Variants in VIT observed in about 807,000 individuals in gnomAD.
The protein encoded by VIT is vitrin.
Under a neutral mutation model 78.0 loss-of-function variants are expected in VIT, and 99 were observed. The observed-to-expected ratio is 1.27, with a 90% CI of 1.08 to 1.50. The LOEUF (loss-of-function observed/expected upper bound fraction) is 1.50. Among genes scored for constraint, VIT ranks in the 40% most tolerant of loss-of-function variants. The pLI is 0.00. For synonymous variants in VIT, 374 were observed against 334.3 expected (o/e 1.12, Z -1.29); for missense variants, 1,126 against 875.3 (o/e 1.29, Z -3.61).
chr2:36,740,382 A>C (rs1414584084), intron 3 of VIT, among the ~76,000 whole-genome samples: 1 of 152,228 alleles, frequency 6.6e-6, no homozygotes, highest in African/African-American at 2.4e-5. Context: ...CATATACTTA[A>C]AGAAGAGCTG....
chr2:36,809,633 G>A (rs945707962), intron 15 of VIT, among the ~76,000 whole-genome samples: 3 of 152,150 alleles, frequency 2.0e-5, no homozygotes, highest in African/African-American at 7.2e-5. Context: ...GGTCACGATG[G>A]TCTCGAACTC....
chr2:36,725,506 GC>G (rs1324617175), intron 2 of VIT, among the ~76,000 whole-genome samples: 4 of 146,460 alleles, frequency 2.7e-5, no homozygotes, highest in African/African-American at 1.0e-4. Flanking sequence ...CATCATGAGG[GC>G]TCACTGTCAA....
At chr2:36,755,662 C>T (rs1045838698) in intron 5 of VIT, among the ~76,000 whole-genome samples, 16 of 152,074 alleles carry the variant, frequency 1.1e-4, no homozygotes, top group Non-Finnish European at 2.2e-4. Context: ...CATCCATTGC[C>T]GATCCTCACT....
intron 3 of VIT, among the ~76,000 whole-genome samples, chr2:36,741,778 G>A (rs1212980889): frequency 6.6e-6 from 1 of 152,068 alleles, no homozygotes; most frequent in Non-Finnish European, 1.5e-5. Context: ...GTCTCCACTT[G>A]CATACTTCTA....
intron 4 of VIT, among the ~76,000 whole-genome samples, chr2:36,743,858 C>T (rs1667980314): frequency 6.6e-6 from 1 of 151,944 alleles, no homozygotes; most frequent in Admixed American, 6.6e-5. Flanking sequence ...AGGTTTGTTA[C>T]AAAGGCATAT....
chr2:36,729,103 A>G (rs1458708494), intron 2 of VIT, among the ~76,000 whole-genome samples: 4 of 152,218 alleles, frequency 2.6e-5, no homozygotes, highest in African/African-American at 9.6e-5. Context: ...GTTGTTAACA[A>G]TTGTTTACAG....
chr2:36,699,516 T>TTATA (rs1553357624), intron 1 of VIT, among the ~76,000 whole-genome samples: 5,447 of 148,936 alleles, frequency 0.037, 170 homozygotes, highest in African/African-American at 0.079. Flanking sequence ...TTAGAGGGGG[T>TTATA]TATATATATA....
At chr2:36,737,354 C>CT (rs970744346) in intron 3 of VIT, among the ~76,000 whole-genome samples, 15 of 152,034 alleles carry the variant, frequency 9.9e-5, no homozygotes, top group Non-Finnish European at 1.8e-4. Flanking sequence ...ATCTGAGAAG[C>CT]TTTTTTTCTT....
intron 1 of VIT, among the ~76,000 whole-genome samples, chr2:36,698,893 G>C (rs1439266357): frequency 4.0e-5 from 6 of 151,770 alleles, no homozygotes; most frequent in Non-Finnish European, 8.8e-5. Flanking sequence ...GCAGTGAGCT[G>C]AGATCACGCC....
chr2:36,754,704 A>AAG (rs1668658682), intron 4 of VIT, among the ~76,000 whole-genome samples: 1 of 152,202 alleles, frequency 6.6e-6, no homozygotes, highest in South Asian at 2.1e-4. Context: ...CAGCTCCTAT[A>AAG]AGAAGAAAGA....
chr2:36,800,504 T>TGGAG (rs1666244740), intron 12 of VIT, among the ~76,000 whole-genome samples: 1 of 152,162 alleles, frequency 6.6e-6, no homozygotes, highest in African/African-American at 2.4e-5. Context: ...TTCTGGAGCA[T>TGGAG]GGAGCCCTGT....
intron 11 of VIT, among the ~76,000 whole-genome samples, chr2:36,785,560 G>T (rs1665037840): frequency 6.6e-6 from 1 of 152,118 alleles, no homozygotes; most frequent in African/African-American, 2.4e-5. Flanking sequence ...TTCATCTCAA[G>T]ATCATGCTTG....
chr2:36,810,147 C>T (rs1667050145), intron 15 of VIT, among the ~76,000 whole-genome samples: 2 of 152,084 alleles, frequency 1.3e-5, no homozygotes, highest in African/African-American at 4.8e-5. Flanking sequence ...CAAAATTGGC[C>T]AGGCAAGGAG....
intron 3 of VIT, among the ~76,000 whole-genome samples, chr2:36,741,312 C>G (rs935611245): frequency 2.0e-5 from 3 of 152,106 alleles, no homozygotes; most frequent in African/African-American, 7.2e-5. Context: ...AAGAAAATAG[C>G]CGGCGAGGAG....
At chr2:36,745,403 A>T (rs1167621472) in intron 4 of VIT, among the ~76,000 whole-genome samples, 1 of 152,174 alleles carries the variant, frequency 6.6e-6, no homozygotes, top group Non-Finnish European at 1.5e-5. Context: ...TGCTTTGGGC[A>T]GTATGGTCAT....
chr2:36,721,712 C>T (rs1666523314), intron 2 of VIT, among the ~76,000 whole-genome samples: 1 of 151,472 alleles, frequency 6.6e-6, no homozygotes, highest in African/African-American at 2.4e-5. Context: ...CTTCTGATTT[C>T]CCTGGGGAAT....
intron 2 of VIT, among the ~76,000 whole-genome samples, chr2:36,727,939 T>C (rs1666953580): frequency 2.0e-5 from 3 of 152,138 alleles, no homozygotes; most frequent in African/African-American, 7.2e-5. Flanking sequence ...GTGTGTTTTC[T>C]TTTTTTTGAG....
intron 1 of VIT, among the ~76,000 whole-genome samples, chr2:36,700,736 AATTAAAT>A (rs1319696217): frequency 3.4e-5 from 4 of 119,340 alleles, no homozygotes; most frequent in African/African-American, 6.3e-5. Context: ...ACCCTATCTC[AATTAAAT>A]AATAATAATA....
intron 4 of VIT, 112 bp from the exon 5 acceptor site, chr2:36,754,809 A>G (rs1668664809): frequency 7.9e-7 from 1 of 1,266,438 alleles, no homozygotes; most frequent in Non-Finnish European, 1.1e-6. Context: ...ACTTTGCTTA[A>G]CCTTGCTGCT....
Sources: allele counts gnomAD v4.1 joint callset (sites outside exome capture counted in the v4.1 genomes callset), GRCh38; gene constraint gnomAD v4.1.1; transcripts MANE v1.5; gene names NCBI Gene and HGNC (gene_info 2026-07-23, HGNC 2026-07-21).